Variants in GREB1L observed in about 807,000 individuals in gnomAD.
GREB1L encodes the protein GREB1 like retinoic acid receptor coactivator, also known as GREB1-like protein.
In GREB1L, 17 loss-of-function variants were observed where a neutral mutation model predicts 200.8. That is an observed-to-expected ratio of 0.08 (90% CI 0.06 to 0.13). The LOEUF is 0.13. Ranked by LOEUF, GREB1L falls within the 10% of genes least tolerant of loss-of-function variation. GREB1L has a pLI of 1.00. For synonymous variants in GREB1L, 789 were observed against 893.0 expected, an observed-to-expected ratio of 0.88 and a Z score of 2.08; for missense variants, 1,657 against 2,367.7, an observed-to-expected ratio of 0.70 and a Z score of 6.23.
chr18:21,311,156 G>A (rs963594471), intron 1 of GREB1L, among the ~76,000 whole-genome samples: 1 of 152,202 alleles, frequency 6.6e-6, no homozygotes, highest in Non-Finnish European at 1.5e-5. Flanking sequence ...CTAAGCCGAA[G>A]TTACACTTGA....
At chr18:21,317,270 A>G (rs1328893527) in intron 1 of GREB1L, among the ~76,000 whole-genome samples, 5 of 151,760 alleles carry the variant, frequency 3.3e-5, no homozygotes, top group Non-Finnish European at 7.4e-5. Flanking sequence ...AAAGTTATAC[A>G]ATGTTAAAAA....
chr18:21,344,795 TGAAA>T (rs2039320530), intron 1 of GREB1L, among the ~76,000 whole-genome samples: 1 of 152,146 alleles, frequency 6.6e-6, no homozygotes, highest in Non-Finnish European at 1.5e-5. Context: ...CTGTAAGAAA[TGAAA>T]GAAACTTACA....
intron 1 of GREB1L, among the ~76,000 whole-genome samples, chr18:21,306,013 GTTAATTTTTAT>G (rs1467264856): frequency 1.3e-5 from 2 of 152,144 alleles, no homozygotes; most frequent in Non-Finnish European, 2.9e-5. Context: ...TCCCTCCTGT[GTTAATTTTTAT>G]CCCATTACCT....
At chr18:21,344,403 A>AAACAGCAACAACAACAAC (rs2039314131) in intron 1 of GREB1L, among the ~76,000 whole-genome samples, 1 of 150,226 alleles carries the variant, frequency 6.7e-6, no homozygotes, top group African/African-American at 2.5e-5. Context: ...TCTGTCTCAA[A>AAACAGCAACAACAACAAC]AACAACAACA....
At chr18:21,305,750 GCTGGT>G (rs2038689085) in intron 1 of GREB1L, among the ~76,000 whole-genome samples, 1 of 152,208 alleles carries the variant, frequency 6.6e-6, no homozygotes, top group South Asian at 2.1e-4. Context: ...GTGAGACCCT[GCTGGT>G]CTGGTATCTA....
chr18:21,290,000 G>C (rs1464208376), intron 1 of GREB1L, among the ~76,000 whole-genome samples: 1 of 152,196 alleles, frequency 6.6e-6, no homozygotes, highest in Non-Finnish European at 1.5e-5. Flanking sequence ...TGTAAAAGAT[G>C]AGACTCCTGG....
At chr18:21,342,377 A>AT (rs924238658) in intron 1 of GREB1L, among the ~76,000 whole-genome samples, 34 of 150,436 alleles carry the variant, frequency 2.3e-4, no homozygotes, top group South Asian at 1.3e-3. Flanking sequence ...CTTAGATGGG[A>AT]TTTTTTTTTT....
intron 1 of GREB1L, among the ~76,000 whole-genome samples, chr18:21,252,952 T>C (rs2037736651): frequency 6.6e-6 from 1 of 152,228 alleles, no homozygotes; most frequent in South Asian, 2.1e-4. Context: ...AGATTGACTT[T>C]TATTTTATTT....
rs928393781 is a variant in GREB1L at position 21,507,082 on chromosome 18, G to A, written c.4369-1036G>A. Among the ~76,000 whole-genome samples, 50 of 152,020 alleles carry A rather than the reference G, an allele frequency of 3.3e-4. 1 individual carries two copies. Among genetic ancestry groups the A allele is most frequent in the Non-Finnish European group, 8.8e-5 (6 of 68,016 alleles). Reference sequence around the variant, plus strand: ...AAGGATATACTTTAAAAAACTGATCGAATCATTCTGCCCTTCTAATACAAG... The same window carrying A: ...AAGGATATACTTTAAAAAACTGATCAAATCATTCTGCCCTTCTAATACAAG... On this transcript the variant is annotated intron_variant, in intron 25 of 32. Coordinates refer to ENST00000424526, the MANE Select transcript of GREB1L (RefSeq NM_001142966.3).
chr18:21,303,114 C>T (rs1598642926), intron 1 of GREB1L, among the ~76,000 whole-genome samples: 1 of 152,114 alleles, frequency 6.6e-6, no homozygotes, highest in Non-Finnish European at 1.5e-5. Flanking sequence ...ACCTCTGTCT[C>T]CCAAAGTGCT....
chr18:21,254,292 A>G (rs906907748), intron 1 of GREB1L, among the ~76,000 whole-genome samples: 3 of 151,160 alleles, frequency 2.0e-5, no homozygotes, highest in African/African-American at 7.3e-5. Context: ...CTGGTCTCGA[A>G]CTCCTTTCCT....
intron 27 of GREB1L, 126 bp downstream of exon 27, chr18:21,508,717 A>G: frequency 7.0e-6 from 4 of 573,338 alleles, no homozygotes; most frequent in East Asian, 3.9e-5. Context: ...ACTCTTCGGA[A>G]AAAAAAAAAA....
chr18:21,441,165 G>A (rs971256044), intron 9 of GREB1L, among the ~76,000 whole-genome samples: 3 of 151,954 alleles, frequency 2.0e-5, no homozygotes, highest in African/African-American at 7.3e-5. Context: ...ACAACTGGAA[G>A]GAAAATCAGC....
chr18:21,376,089 G>A (rs1445622669), intron 2 of GREB1L, among the ~76,000 whole-genome samples: 1 of 151,936 alleles, frequency 6.6e-6, no homozygotes, highest in Non-Finnish European at 1.5e-5. Context: ...ACTGAGGAGG[G>A]CATTTCTCTC....
intron 1 of GREB1L, among the ~76,000 whole-genome samples, chr18:21,318,946 G>A (rs1016498029): frequency 2.6e-5 from 4 of 152,208 alleles, no homozygotes; most frequent in Non-Finnish European, 5.9e-5. Flanking sequence ...TGCTCTGGAA[G>A]AAGGACTTCA....
At chr18:21,365,478 T>G (rs1450212639) in intron 1 of GREB1L, among the ~76,000 whole-genome samples, 5 of 152,186 alleles carry the variant, frequency 3.3e-5, no homozygotes, top group Non-Finnish European at 7.4e-5. Flanking sequence ...GTTTAATATC[T>G]TCTAGGAATA....
chr18:21,468,871 C>G, intron 15 of GREB1L: 1 of 435,962 alleles, frequency 2.3e-6, no homozygotes, highest in Non-Finnish European at 4.6e-6. Context: ...TGAGTTTTCT[C>G]ACAATTAAAT....
At chr18:21,278,351 G>A (rs983327150) in intron 1 of GREB1L, among the ~76,000 whole-genome samples, 4 of 147,656 alleles carry the variant, frequency 2.7e-5, no homozygotes, top group African/African-American at 1.0e-4. Context: ...TTGCACTCCA[G>A]CCTGGGCAAC....
At chr18:21,483,888 A>G (rs1249516013) in intron 17 of GREB1L, among the ~76,000 whole-genome samples, 1 of 150,466 alleles carries the variant, frequency 6.6e-6, no homozygotes, top group Non-Finnish European at 1.5e-5. Context: ...AGGCAGGAGA[A>G]TGGCTTGAAC....
Sources: gnomAD v4.1 joint callset for allele counts (sites outside exome capture counted in the v4.1 genomes callset) on GRCh38, gnomAD v4.1.1 for gene constraint, MANE v1.5 for transcripts, NCBI Gene and HGNC (gene_info 2026-07-23, HGNC 2026-07-21) for gene names.